MACROH2A2: variants seen among roughly 807,000 people sequenced by gnomAD.
MACROH2A2 encodes the protein core histone macro-H2A.2.
Under a neutral mutation model 37.6 loss-of-function variants are expected in MACROH2A2, and 6 were observed. The ratio of observed to expected loss-of-function variants is 0.16; its 90% CI spans 0.09 to 0.32. The LOEUF is 0.32. MACROH2A2 is among the 10% of genes least tolerant of loss of function. MACROH2A2 has a pLI of 1.00. For missense variants in MACROH2A2, 290 were observed against 485.9 expected, an observed-to-expected ratio of 0.60 and a Z score of 3.79; for synonymous variants, 192 against 202.7, an observed-to-expected ratio of 0.95 and a Z score of 0.45.
intron 4 of MACROH2A2, among the ~76,000 whole-genome samples, chr10:70,093,471 CA>C (rs1164009038): frequency 6.6e-6 from 1 of 152,226 alleles, no homozygotes; most frequent in Non-Finnish European, 1.5e-5. Context: ...TGAGCAAGGA[CA>C]ATGTGCTGGT....
intron 1 of MACROH2A2, among the ~76,000 whole-genome samples, chr10:70,054,472 C>G (rs2072001723): frequency 6.6e-6 from 1 of 152,134 alleles, no homozygotes; most frequent in South Asian, 2.1e-4. Flanking sequence ...ATTAGTCCAC[C>G]GCGGCAAATG....
intron 1 of MACROH2A2, among the ~76,000 whole-genome samples, chr10:70,054,907 G>A (rs2072005075): frequency 6.6e-6 from 1 of 152,082 alleles, no homozygotes; most frequent in Admixed American, 6.5e-5. Flanking sequence ...TCCTACCACA[G>A]TTACACCTCA....
chr10:70,077,264 G>A (rs1413807836), intron 2 of MACROH2A2, among the ~76,000 whole-genome samples: 1 of 152,326 alleles, frequency 6.6e-6, no homozygotes, highest in East Asian at 1.9e-4. Context: ...TGTGGGGAAT[G>A]CTTGTTTCAA....
intron 7 of MACROH2A2, among the ~76,000 whole-genome samples, chr10:70,102,937 C>T (rs531332873): frequency 4.0e-5 from 6 of 149,230 alleles, no homozygotes; most frequent in East Asian, 3.9e-4. Context: ...AGGATGCTGC[C>T]GCCCCAGGCC....
chr10:70,111,672 G>A lies in MACROH2A2; in HGVS notation c.1108G>A (p.Asp370Asn), dbSNP rs201518081. ...GIYVQEMAKL[D>N]AK ...CTACGTGCAGGAGATGGCCAAGCTC[G>A]ACGCCAAGTAGCCGCCGCACTTTCC... The change falls in exon 9 of 9, where the codon GAC becomes AAC. Residue 370 changes from aspartate to asparagine, a missense_variant. Coordinates refer to ENST00000373255, the MANE Select transcript of MACROH2A2 (RefSeq NM_018649.3). The A allele has an allele frequency of 1.5e-4, 247 of 1,606,452 alleles. 1 individual carries two copies. The Middle Eastern group carries it at 1.9e-3, about 13-fold the overall frequency.
chr10:70,092,125 G>T (rs932624653), intron 4 of MACROH2A2, among the ~76,000 whole-genome samples, 171 bp downstream of exon 4: 1 of 152,186 alleles, frequency 6.6e-6, no homozygotes, highest in Non-Finnish European at 1.5e-5. Context: ...AATGGGAACA[G>T]TCCCCTTATA....
At chr10:70,084,770 T>A (rs957898477) in intron 2 of MACROH2A2, among the ~76,000 whole-genome samples, 1 of 152,058 alleles carries the variant, frequency 6.6e-6, no homozygotes, top group Non-Finnish European at 1.5e-5. Flanking sequence ...CCTGCCTAAT[T>A]TTTGTATTTT....
chr10:70,053,924 C>G lies in MACROH2A2; in HGVS notation c.-60+924C>G, dbSNP rs1045857136. Among the ~76,000 whole-genome samples, 2 of 152,310 alleles carry G rather than the reference C, an allele frequency of 1.3e-5. No individual in the cohort carries two copies. The highest frequency in any genetic ancestry group is 2.9e-5 in the Non-Finnish European group (2 of 68,010). ...GGCGCCGGACGCCGTGCGTATCGCT[C>G]GCGGGGCGCGGCGGTTGGGGACCAG... On this transcript the variant is annotated intron_variant, in intron 1 of 8. Coordinates refer to ENST00000373255, the MANE Select transcript of MACROH2A2 (RefSeq NM_018649.3). The surrounding 1 kb of genome is among the most constrained non-coding windows in gnomAD (Gnocchi z 4.8).
intron 7 of MACROH2A2, 145 bp from the exon 8 acceptor site, chr10:70,108,888 G>T (rs1439564543): frequency 1.4e-6 from 1 of 720,808 alleles, no homozygotes; most frequent in Non-Finnish European, 2.4e-6. Context: ...GTTAAACATA[G>T]TCCACATCAG....
At chr10:70,098,494 C>A (rs909096717) in intron 6 of MACROH2A2, 1 of 152,170 alleles carries the variant, frequency 6.6e-6, no homozygotes, top group Non-Finnish European at 1.5e-5. Flanking sequence ...TGATGAGTCT[C>A]TTATACCATA....
intron 1 of MACROH2A2, among the ~76,000 whole-genome samples, chr10:70,057,696 A>G (rs558615496): frequency 2.6e-5 from 4 of 152,348 alleles, no homozygotes; most frequent in Admixed American, 1.3e-4. Flanking sequence ...AGGCAGAAAT[A>G]TGCCCAAGAA....
intron 6 of MACROH2A2, chr10:70,098,776 T>A (rs185415438): frequency 9.2e-5 from 14 of 152,580 alleles, no homozygotes; most frequent in South Asian, 2.1e-4. Flanking sequence ...ATTGGTGTGA[T>A]GCTGGTGGCC....
chr10:70,053,738 G>A lies in MACROH2A2; in HGVS notation c.-60+738G>A, dbSNP rs574898200. Among the ~76,000 whole-genome samples, 5 of 151,994 alleles carry A rather than the reference G, an allele frequency of 3.3e-5. No individual in the cohort carries two copies. In the South Asian group the frequency reaches 1.0e-3, roughly 31 times the overall value. ...CTTCGGTTCCCTTTCCGGGGCGCCCGGTGCCGACGCGCGCTGCGCTTTCAC... is the reference window on the plus strand; with the variant it reads ...CTTCGGTTCCCTTTCCGGGGCGCCCAGTGCCGACGCGCGCTGCGCTTTCAC... On this transcript the variant is annotated intron_variant, in intron 1 of 8. Transcript: ENST00000373255. The surrounding 1 kb of genome is among the most constrained non-coding windows in gnomAD (Gnocchi z 4.8).
chr10:70,111,841 C>A lies in MACROH2A2; in HGVS notation c.*158C>A. The A allele has an allele frequency of 2.1e-6, 1 of 476,322 alleles. No homozygotes were observed. The highest frequency in any genetic ancestry group is 3.6e-6 in the Non-Finnish European group (1 of 280,184). 29.5% of individuals were successfully genotyped at this position (476,322 alleles called of 1,614,324 possible). On this transcript the variant is annotated 3_prime_UTR_variant, in exon 9 of 9. Coordinates refer to ENST00000373255, the MANE Select transcript of MACROH2A2 (RefSeq NM_018649.3). ...GCCCTCTGCCCTTCACACTCTCCTC[C>A]AAAAGAGCCTCCATCTGTAAGGAAG...
chr10:70,084,117 A>T (rs897307175), intron 2 of MACROH2A2, among the ~76,000 whole-genome samples: 1 of 152,196 alleles, frequency 6.6e-6, no homozygotes, highest in African/African-American at 2.4e-5. Context: ...TCACTGTGTA[A>T]CATAGACACT....
chr10:70,065,258 G>A (rs911971020), intron 1 of MACROH2A2, among the ~76,000 whole-genome samples: 10 of 152,008 alleles, frequency 6.6e-5, no homozygotes, highest in Admixed American at 3.3e-4. Flanking sequence ...TGTATTTTTA[G>A]TAGAGGCAGG....
intron 8 of MACROH2A2, among the ~76,000 whole-genome samples, chr10:70,109,968 T>C (rs1242317245): frequency 6.6e-6 from 1 of 152,170 alleles, no homozygotes; most frequent in Admixed American, 6.5e-5. Context: ...TCCTTTATAA[T>C]ATAGCTATGG....
chr10:70,093,292 C>T (rs1009431869), intron 4 of MACROH2A2, among the ~76,000 whole-genome samples: 4 of 152,208 alleles, frequency 2.6e-5, no homozygotes, highest in African/African-American at 4.8e-5. Flanking sequence ...AATATTTCCA[C>T]GATCACAGAA....
chr10:70,078,193 C>T (rs1257487603), intron 2 of MACROH2A2, among the ~76,000 whole-genome samples: 1 of 152,204 alleles, frequency 6.6e-6, no homozygotes, highest in Non-Finnish European at 1.5e-5. Flanking sequence ...TTCATCCATT[C>T]AAAGAGCATT....
Sources: gnomAD v4.1 joint callset for allele counts (sites outside exome capture counted in the v4.1 genomes callset) on GRCh38, gnomAD v4.1.1 for gene constraint, Gnocchi (gnomAD v3.1) non-coding constraint, MANE v1.5 for transcripts, NCBI Gene and HGNC (gene_info 2026-07-23, HGNC 2026-07-21) for gene names.